KCNH7: variants seen among roughly 807,000 people sequenced by gnomAD.
KCNH7 encodes the protein voltage-gated inwardly rectifying potassium channel KCNH7.
KCNH7 carries 49 observed loss-of-function variants against 120.8 expected under a neutral mutation model. That is an observed-to-expected ratio of 0.41 (90% CI 0.32 to 0.51). The LOEUF (loss-of-function observed/expected upper bound fraction) is 0.51. KCNH7 is among the 20% of genes least tolerant of loss of function. The pLI is 0.38. For missense variants in KCNH7, 1,097 were observed against 1,446.6 expected (o/e 0.76, Z 3.92); for synonymous variants, 547 against 516.1 (o/e 1.06, Z -0.81).
chr2:162,746,963 T>C (rs970069927), intron 2 of KCNH7, among the ~76,000 whole-genome samples: 2 of 152,120 alleles, frequency 1.3e-5, no homozygotes, highest in Non-Finnish European at 2.9e-5. Context: ...ATTAAAAATC[T>C]AGATTTTTAT....
intron 2 of KCNH7, among the ~76,000 whole-genome samples, chr2:162,812,615 T>C (rs1006472300): frequency 1.1e-4 from 16 of 152,184 alleles, no homozygotes; most frequent in African/African-American, 3.9e-4. Flanking sequence ...AATTTGGTTT[T>C]AGCCATGTTA....
chr2:162,492,999 GC>G (rs1348408343), intron 6 of KCNH7, among the ~76,000 whole-genome samples: 1 of 150,726 alleles, frequency 6.6e-6, no homozygotes, highest in Non-Finnish European at 1.5e-5. Context: ...GGCCTGGGAT[GC>G]CTGGGGAAAA....
At chr2:162,433,847 T>A (rs562654427) in intron 8 of KCNH7, among the ~76,000 whole-genome samples, 108 of 152,088 alleles carry the variant, frequency 7.1e-4, no homozygotes, top group African/African-American at 2.5e-3. Context: ...TAAAACAGAA[T>A]TATCATTCGA....
At chr2:162,560,410 AGAG>A (rs1348581816) in intron 2 of KCNH7, among the ~76,000 whole-genome samples, 4 of 152,176 alleles carry the variant, frequency 2.6e-5, no homozygotes, top group Non-Finnish European at 4.4e-5. Context: ...AGGACATTTC[AGAG>A]GAGAGGAAAG....
At chr2:162,749,464 G>T (rs1688466922) in intron 2 of KCNH7, among the ~76,000 whole-genome samples, 1 of 151,912 alleles carries the variant, frequency 6.6e-6, no homozygotes, top group African/African-American at 2.4e-5. Flanking sequence ...TCCTAATTTA[G>T]GCTGAAACAA....
intron 2 of KCNH7, among the ~76,000 whole-genome samples, chr2:162,541,310 T>C (rs1223780485): frequency 6.6e-6 from 1 of 152,042 alleles, no homozygotes; most frequent in Non-Finnish European, 1.5e-5. Flanking sequence ...CTATGTGACC[T>C]GAGTCTGGAG....
intron 2 of KCNH7, among the ~76,000 whole-genome samples, chr2:162,611,537 C>T (rs1227010886): frequency 6.6e-6 from 1 of 152,054 alleles, no homozygotes; most frequent in Non-Finnish European, 1.5e-5. Context: ...GTGAACATTA[C>T]TTAGAGGGAT....
chr2:162,611,472 A>G (rs1232838180), intron 2 of KCNH7, among the ~76,000 whole-genome samples: 1 of 152,172 alleles, frequency 6.6e-6, no homozygotes, highest in Admixed American at 6.5e-5. Flanking sequence ...AATTTTGAAT[A>G]TGATAATGAG....
chr2:162,599,780 A>G (rs750216697), intron 2 of KCNH7, among the ~76,000 whole-genome samples: 1 of 151,990 alleles, frequency 6.6e-6, no homozygotes, highest in Admixed American at 6.6e-5. Flanking sequence ...TACATTGTAC[A>G]TTTTATAAAG....
chr2:162,607,212 TA>T (rs1023394033), intron 2 of KCNH7, among the ~76,000 whole-genome samples: 2 of 62,982 alleles, frequency 3.2e-5, no homozygotes, highest in African/African-American at 1.2e-4. Flanking sequence ...CCGTCTCTAC[TA>T]AAAATACAAA....
At chr2:162,577,345 C>T (rs879799683) in intron 2 of KCNH7, among the ~76,000 whole-genome samples, 1,505 of 113,178 alleles carry the variant, frequency 0.013, 17 homozygotes, top group South Asian at 0.026. Flanking sequence ...ATCATCTATC[C>T]ATCCTATCTA....
chr2:162,722,427 G>A (rs1302211814), intron 2 of KCNH7, among the ~76,000 whole-genome samples: 1 of 152,024 alleles, frequency 6.6e-6, no homozygotes, highest in Non-Finnish European at 1.5e-5. Context: ...GAAAATAGTA[G>A]ACTTTTTTTT....
At chr2:162,663,402 T>G (rs1685034598) in intron 2 of KCNH7, among the ~76,000 whole-genome samples, 1 of 152,212 alleles carries the variant, frequency 6.6e-6, no homozygotes, top group Admixed American at 6.5e-5. Context: ...GAGGATATAT[T>G]TTGATGATAA....
intron 11 of KCNH7, among the ~76,000 whole-genome samples, chr2:162,395,984 T>A (rs1270014057): frequency 6.6e-6 from 1 of 151,420 alleles, no homozygotes; most frequent in African/African-American, 2.4e-5. Context: ...AGAATTAGAG[T>A]GGAGTTGTGA....
chr2:162,446,761 A>C (rs953811133), intron 6 of KCNH7, among the ~76,000 whole-genome samples: 11 of 152,136 alleles, frequency 7.2e-5, no homozygotes, highest in African/African-American at 2.4e-4. Flanking sequence ...GTAAAAATAC[A>C]TGGCTGTTTT....
intron 2 of KCNH7, among the ~76,000 whole-genome samples, chr2:162,754,378 A>G (rs1377006499): frequency 6.6e-6 from 1 of 152,160 alleles, no homozygotes; most frequent in Non-Finnish European, 1.5e-5. Context: ...AGGGATAGGG[A>G]GGGTATAAAA....
intron 9 of KCNH7, among the ~76,000 whole-genome samples, chr2:162,403,401 GCA>G (rs1423303054): frequency 1.3e-5 from 2 of 151,878 alleles, no homozygotes; most frequent in Non-Finnish European, 2.9e-5. Context: ...TGCAGTATTT[GCA>G]CTTAGGTTGT....
intron 2 of KCNH7, among the ~76,000 whole-genome samples, chr2:162,803,857 AC>A (rs1381774888): frequency 1.3e-5 from 2 of 151,730 alleles, no homozygotes; most frequent in African/African-American, 4.8e-5. Flanking sequence ...GGATCTGTGG[AC>A]AATGACACAT....
chr2:162,565,085 G>A (rs556041956), intron 2 of KCNH7, among the ~76,000 whole-genome samples: 4 of 152,212 alleles, frequency 2.6e-5, no homozygotes, highest in African/African-American at 7.2e-5. Context: ...ATACCAACAA[G>A]TAGGGGCTTC....
Sources: gnomAD v4.1 joint callset for allele counts (sites outside exome capture counted in the v4.1 genomes callset) on GRCh38, gnomAD v4.1.1 for gene constraint, MANE v1.5 for transcripts, NCBI Gene and HGNC (gene_info 2026-07-23, HGNC 2026-07-21) for gene names.